The following CA10 variants were observed in gnomAD, a reference collection of about 807,000 sequenced individuals.
CA10 encodes carbonic anhydrase-related protein 10.
In CA10, 14 loss-of-function variants were observed where a neutral mutation model predicts 44.2. The ratio of observed to expected loss-of-function variants is 0.32; its 90% confidence interval spans 0.21 to 0.50. The LOEUF (loss-of-function observed/expected upper bound fraction) is 0.50, where lower values mean the gene tolerates loss of function less well. CA10 is among the 20% of genes least tolerant of loss of function. The pLI, the probability that CA10 is intolerant of heterozygous loss-of-function variation, is 0.99. For missense variants in CA10, 350 were observed against 409.7 expected (o/e 0.85, Z 1.26); for synonymous variants, 159 against 141.6 (o/e 1.12, Z -0.87).
intron 3 of CA10, among the ~76,000 whole-genome samples, chr17:51,818,029 G>A (rs775050053): frequency 3.3e-5 from 5 of 152,210 alleles, no homozygotes; most frequent in Non-Finnish European, 1.5e-5. Context: ...CTGCCTTTGT[G>A]TAGTGTATGT....
intron 4 of CA10, among the ~76,000 whole-genome samples, chr17:51,715,882 G>T (rs915325499): frequency 3.3e-5 from 5 of 152,078 alleles, no homozygotes; most frequent in Non-Finnish European, 4.4e-5. Context: ...TAGAGACGGG[G>T]TTTCACCATG....
chr17:52,087,865 A>T (rs1988160086), intron 1 of CA10, among the ~76,000 whole-genome samples: 1 of 152,180 alleles, frequency 6.6e-6, no homozygotes, highest in Non-Finnish European at 1.5e-5. Context: ...CTTTCAGAAG[A>T]GTTAACGGTA....
chr17:52,055,559 G>C (rs1987205274), intron 2 of CA10, among the ~76,000 whole-genome samples: 1 of 152,010 alleles, frequency 6.6e-6, no homozygotes, highest in South Asian at 2.1e-4. Context: ...AGAAAAAGTA[G>C]TTGTCATAAC....
intron 3 of CA10, among the ~76,000 whole-genome samples, chr17:51,882,430 A>G (rs1980416697): frequency 6.6e-6 from 1 of 152,186 alleles, no homozygotes; most frequent in Non-Finnish European, 1.5e-5. Flanking sequence ...CACCTCATTA[A>G]TGCCAATTGT....
intron 1 of CA10, among the ~76,000 whole-genome samples, chr17:52,133,168 A>G (rs1394707171): frequency 2.6e-5 from 4 of 152,174 alleles, no homozygotes; most frequent in Admixed American, 2.6e-4. Flanking sequence ...TCAGGCATGG[A>G]ACAGGTGACT....
chr17:52,019,718 C>A (rs888025578), intron 2 of CA10, among the ~76,000 whole-genome samples: 2 of 151,984 alleles, frequency 1.3e-5, no homozygotes, highest in African/African-American at 4.8e-5. Flanking sequence ...ACCAGCATCC[C>A]AGAAGCCCCA....
intron 3 of CA10, among the ~76,000 whole-genome samples, chr17:51,834,430 G>A (rs1908400182): frequency 6.6e-6 from 1 of 152,190 alleles, no homozygotes; most frequent in South Asian, 2.1e-4. Context: ...GCCCCTGAAA[G>A]ACATCATCTG....
intron 4 of CA10, among the ~76,000 whole-genome samples, chr17:51,728,589 G>T (rs1284340111): frequency 1.3e-5 from 2 of 152,254 alleles, no homozygotes; most frequent in Non-Finnish European, 2.9e-5. Context: ...TGGGCTTATG[G>T]ATTTTTGGAT....
intron 4 of CA10, among the ~76,000 whole-genome samples, chr17:51,656,296 T>C (rs2073865): frequency 0.45 from 67,752 of 152,074 alleles, 16,118 homozygotes; most frequent in Admixed American, 0.53. Context: ...GGAAGAAGTC[T>C]CCTGGGCCAT....
At chr17:51,881,914 A>C (rs1188756264) in intron 3 of CA10, among the ~76,000 whole-genome samples, 2 of 152,196 alleles carry the variant, frequency 1.3e-5, no homozygotes, top group Non-Finnish European at 2.9e-5. Flanking sequence ...ACTTCTAGGC[A>C]CATATCCTAT....
chr17:51,778,153 G>A (rs1905905066), intron 3 of CA10, among the ~76,000 whole-genome samples: 3 of 152,130 alleles, frequency 2.0e-5, no homozygotes, highest in South Asian at 2.1e-4. Context: ...TTCAGAAAGT[G>A]CACTCTCATT....
chr17:52,077,750 C>T (rs1231472109), intron 1 of CA10, among the ~76,000 whole-genome samples: 4 of 152,032 alleles, frequency 2.6e-5, no homozygotes, highest in Non-Finnish European at 5.9e-5. Flanking sequence ...AAATCTTTTC[C>T]AGATCTGAAA....
At position 51,635,938 on chromosome 17, in the gene CA10, C is replaced by T. The variant is rs1046164022; in HGVS notation, c.706G>A (p.Asp236Asn). ...CAGGGTGGGATAGTCATCGACCCAT[C>T]GTAAGTGATGAAACTAGAGGTCTCT... is the stretch of plus-strand genomic sequence containing the variant. ...YPETSSFITYDGSMTIPPCYE... is the reference protein window; with the variant it reads ...YPETSSFITYNGSMTIPPCYE... The change falls in exon 7 of 9, where the codon GAT becomes AAT. Residue 236 changes from aspartate (D) to asparagine (N), a missense_variant. By Grantham distance (23) the Asp-to-Asn change is conservative. Coordinates refer to ENST00000451037, the MANE Select transcript of CA10 (RefSeq NM_020178.5). 4 of 1,609,598 alleles carry T rather than the reference C, an allele frequency of 2.5e-6. No individual in the cohort carries two copies. Among genetic ancestry groups the T allele is most frequent in the Non-Finnish European group, 3.4e-6 (4 of 1,176,808 alleles).
At chr17:51,654,558 ATTTTTT>A (rs35152422) in intron 4 of CA10, among the ~76,000 whole-genome samples, 1 of 145,236 alleles carries the variant, frequency 6.9e-6, no homozygotes, top group Admixed American at 6.9e-5. Flanking sequence ...TGGAAGCCTA[ATTTTTT>A]TTTTTTTTTT....
intron 3 of CA10, among the ~76,000 whole-genome samples, chr17:51,918,070 A>G (rs536701892): frequency 1.3e-5 from 2 of 152,324 alleles, no homozygotes; most frequent in East Asian, 3.9e-4. Context: ...TAATTTTGTG[A>G]AACTCTTATT....
In CA10 at chr17:52,157,863, A is replaced by C; in HGVS notation, c.-77T>G. 8.9e-7 allele frequency: 1 copy of C among 1,121,966 alleles called. No homozygotes were observed. The highest frequency in any genetic ancestry group is 1.4e-6 in the Non-Finnish European group (1 of 731,556). 69.5% of individuals were successfully genotyped at this position (1,121,966 alleles called of 1,614,324 possible). A position where few individuals can be genotyped will look rare whatever the true frequency, so the allele number is the denominator to read the frequency against. On this transcript the variant is annotated 5_prime_UTR_variant, in exon 1 of 9. It removes an upstream start codon present in the reference 5' UTR. Coordinates refer to ENST00000451037, the MANE Select transcript of CA10 (RefSeq NM_020178.5). The stretch of plus-strand genomic sequence containing the variant: ...GGGGAGCCCGACACGGCACACACAC[A>C]TACACACTCGCACACACTTCCGAGC...
In CA10 at chr17:51,878,859, TATATATATATATATATATATATATATA is replaced by T. The variant is rs1980215691; in HGVS notation, c.279+52104_279+52130del. ...ATATATATATATATATATATATATA[TATATATATATATATATATATATATATA>T]TATATGGGTGTGTGTGTGTGTGTGT... On this transcript the variant is annotated intron_variant, in intron 3 of 8. Transcript: ENST00000451037. Among the ~76,000 whole-genome samples the T allele has an allele frequency of 1.4e-3, 32 of 23,158 alleles. 3 individuals are homozygous for T. The highest frequency in any genetic ancestry group is 6.5e-3 in the East Asian group (2 of 306). 15.2% of individuals were successfully genotyped at this position (23,158 alleles called of 152,430 possible). A position where few individuals can be genotyped will look rare whatever the true frequency, so the allele number is the denominator to read the frequency against.
intron 1 of CA10, among the ~76,000 whole-genome samples, chr17:52,084,250 G>T (rs1411082216): frequency 1.3e-5 from 2 of 152,292 alleles, no homozygotes; most frequent in African/African-American, 2.4e-5. Context: ...AAGTCAATTT[G>T]CCATGGTGGG....
chr17:52,122,055 T>C (rs1989026213), intron 1 of CA10, among the ~76,000 whole-genome samples: 1 of 152,124 alleles, frequency 6.6e-6, no homozygotes, highest in African/African-American at 2.4e-5. Flanking sequence ...CAATCAGAAT[T>C]ACCCAAACAG....
Sources: gnomAD v4.1 joint callset for allele counts (sites outside exome capture counted in the v4.1 genomes callset) on GRCh38, gnomAD v4.1.1 for gene constraint, MANE v1.5 for transcripts, NCBI Gene and HGNC (gene_info 2026-07-23, HGNC 2026-07-21) for gene names.